Variants in TSGA10 observed in about 807,000 individuals in gnomAD.
The protein encoded by TSGA10 is testis-specific gene 10 protein.
In TSGA10, 43 loss-of-function variants were observed where a neutral mutation model predicts 96.6. The observed-to-expected ratio is 0.44, with a 90% confidence interval of 0.35 to 0.57. TSGA10 has a LOEUF of 0.57. Among genes scored for constraint, TSGA10 ranks in the 20% least tolerant of loss-of-function variants. The pLI, the probability that TSGA10 is intolerant of heterozygous loss-of-function variation, is 0.01. For missense variants in TSGA10, 703 were observed against 834.4 expected, an observed-to-expected ratio of 0.84 and a Z score of 1.94; for synonymous variants, 229 against 269.9, an observed-to-expected ratio of 0.85 and a Z score of 1.48.
chr2:99,137,644 G>A (rs758651613), intron 1 of TSGA10, among the ~76,000 whole-genome samples: 2 of 151,886 alleles, frequency 1.3e-5, no homozygotes, highest in East Asian at 1.9e-4. Flanking sequence ...TCAGTGTGGA[G>A]AATAGGTTGT....
chr2:99,068,003 C>G (rs1191354301), intron 15 of TSGA10, among the ~76,000 whole-genome samples: 1 of 152,044 alleles, frequency 6.6e-6, no homozygotes, highest in Non-Finnish European at 1.5e-5. Context: ...GGCTGAGTAG[C>G]CTGCATAAAT....
chr2:99,073,358 C>G (rs944338607), intron 12 of TSGA10, among the ~76,000 whole-genome samples: 13 of 152,082 alleles, frequency 8.5e-5, no homozygotes, highest in African/African-American at 3.1e-4. Flanking sequence ...AGTCACCCAG[C>G]AATACAAGAA....
chr2:99,071,962 G>T lies in TSGA10; in HGVS notation c.939-88C>A. On this transcript the variant is annotated intron_variant, in intron 13 of 20. Transcript: ENST00000393483. Reference sequence around the variant, plus strand: ...TCACAAGACAGAAGATGGACAGTTAGTATGAAAACATTTGAAGAGATTTTA... The same window carrying T: ...TCACAAGACAGAAGATGGACAGTTATTATGAAAACATTTGAAGAGATTTTA... The T allele has an allele frequency of 2.5e-6, 3 of 1,185,486 alleles. No individual in the cohort carries two copies. The South Asian group carries it at 4.7e-5, about 18-fold the overall frequency. 73.4% of individuals were successfully genotyped at this position (1,185,486 alleles called of 1,614,324 possible).
intron 10 of TSGA10, among the ~76,000 whole-genome samples, chr2:99,082,588 G>A (rs924352187): frequency 1.3e-5 from 2 of 151,860 alleles, no homozygotes; most frequent in Non-Finnish European, 2.9e-5. Flanking sequence ...GTTCCCGATT[G>A]GTCATATAAT....
At chr2:99,080,867 T>C (rs1286711625) in intron 11 of TSGA10, among the ~76,000 whole-genome samples, 1 of 152,130 alleles carries the variant, frequency 6.6e-6, no homozygotes, top group African/African-American at 2.4e-5. Flanking sequence ...ATCATAGACA[T>C]AACTAACACT....
At chr2:99,049,949 T>C (rs1369212603) in intron 16 of TSGA10, among the ~76,000 whole-genome samples, 2 of 152,166 alleles carry the variant, frequency 1.3e-5, no homozygotes, top group Admixed American at 6.5e-5. Context: ...GCATCTCTTT[T>C]CCATCTGAAC....
intron 10 of TSGA10, among the ~76,000 whole-genome samples, chr2:99,087,140 C>A (rs1574203415): frequency 6.6e-6 from 1 of 150,846 alleles, no homozygotes; most frequent in African/African-American, 2.4e-5. Flanking sequence ...GGAGGCAGAG[C>A]TTGCAGTGAG....
intron 7 of TSGA10, 85 bp from the exon 8 acceptor site, chr2:99,105,782 G>A: frequency 2.7e-6 from 3 of 1,102,536 alleles, no homozygotes; most frequent in Non-Finnish European, 3.8e-6. Context: ...CAGTTAAAAT[G>A]CAAACCTACA....
At chr2:99,114,994 G>A (rs760065380) in intron 4 of TSGA10, among the ~76,000 whole-genome samples, 3 of 152,148 alleles carry the variant, frequency 2.0e-5, no homozygotes, top group African/African-American at 4.8e-5. Context: ...AGAGCGTGAC[G>A]TGATTTTGGC....
chr2:99,143,744 T>G (rs1019297077), intron 1 of TSGA10, among the ~76,000 whole-genome samples: 1 of 152,150 alleles, frequency 6.6e-6, no homozygotes, highest in African/African-American at 2.4e-5. Flanking sequence ...GTGCTGGGAT[T>G]ATATGCATGA....
rs138251350 is a variant in TSGA10, at chr2:99,071,869, C to G, written c.944G>C (p.Cys315Ser). The G allele has an allele frequency of 8.9e-5, 143 of 1,612,262 alleles. No individual in the cohort carries two copies. In the African/African-American group the frequency reaches 1.6e-3, roughly 18 times the overall value. Residue 315 changes from cysteine to serine, a missense_variant, in exon 14 of 21, where the codon TGT becomes TCT. By Grantham distance (112) the Cys-to-Ser change is moderately radical (BLOSUM62 -1). Around this residue, in one of 3 missense-constraint regions of TSGA10, gnomAD observed 585 missense variants for 656.8 expected, o/e 0.89. Coordinates refer to ENST00000393483, the MANE Select transcript of TSGA10 (RefSeq NM_025244.4). ...IAEMEQASRQ[C>S]TEALIVCEQD... ...TTCACACACAATTAGGGCCTCAGTA[C>G]ACTGTCTATTCCACAAATCAAAGAG...
At chr2:99,102,679 A>G (rs1228539241) in intron 10 of TSGA10, 7 of 1,613,628 alleles carry the variant, frequency 4.3e-6, no homozygotes, top group African/African-American at 1.3e-5. Flanking sequence ...TTCAGAAATA[A>G]GGTTAGTCAT....
intron 1 of TSGA10, chr2:99,141,614 G>C (rs531850779): frequency 6.5e-6 from 1 of 152,826 alleles, no homozygotes; most frequent in Non-Finnish European, 1.5e-5. Context: ...CCGTCTCCTA[G>C]TAACCAGCCG....
chr2:99,046,078 C>T (rs1037764035), intron 16 of TSGA10, among the ~76,000 whole-genome samples: 3 of 152,066 alleles, frequency 2.0e-5, no homozygotes, highest in Non-Finnish European at 4.4e-5. Flanking sequence ...TAAAGCAAGT[C>T]CTTAGAGATC....
chr2:99,147,380 T>G, intron 1 of TSGA10: 2 of 1,260,480 alleles, frequency 1.6e-6, no homozygotes, highest in Non-Finnish European at 2.3e-6. Flanking sequence ...TATGTACCTT[T>G]ATTCTTACAT....
At chr2:99,091,286 C>G (rs1332838237) in intron 10 of TSGA10, among the ~76,000 whole-genome samples, 1 of 152,100 alleles carries the variant, frequency 6.6e-6, no homozygotes, top group Non-Finnish European at 1.5e-5. Flanking sequence ...AATCTTGAAA[C>G]AAATCCTCAA....
At chr2:99,125,761 T>C (rs1025082897) in intron 2 of TSGA10, 1 of 152,178 alleles carries the variant, frequency 6.6e-6, no homozygotes, top group African/African-American at 2.4e-5. Context: ...AAGGGTGGTG[T>C]TCCTAGATAC....
intron 12 of TSGA10, among the ~76,000 whole-genome samples, chr2:99,074,889 C>T (rs1247629281): frequency 6.6e-6 from 1 of 150,956 alleles, no homozygotes; most frequent in Admixed American, 6.6e-5. Flanking sequence ...ACTCGGGTGG[C>T]GAGGGTTGCA....
At position 99,070,373 on chromosome 2, in the gene TSGA10, G is replaced by C. The variant is rs536863805; in HGVS notation, c.1107+1333C>G. The stretch of plus-strand genomic sequence containing the variant: ...GATTCAACCCATGTGAATCTTACTC[G>C]ACTCTACTGCCTCTTCATGTAGAAA... On this transcript the variant is annotated intron_variant, in intron 14 of 20. Coordinates refer to ENST00000393483, the MANE Select transcript of TSGA10 (RefSeq NM_025244.4). Among the ~76,000 whole-genome samples the C allele has an allele frequency of 1.4e-3, 206 of 152,042 alleles. 1 individual carries two copies. The highest frequency in any genetic ancestry group is 4.9e-3 in the African/African-American group (203 of 41,460).
Sources: gnomAD v4.1 joint callset for allele counts (sites outside exome capture counted in the v4.1 genomes callset) on GRCh38, gnomAD v4.1.1 for gene constraint, gnomAD v4.1.1 regional missense constraint, MANE v1.5 for transcripts, NCBI Gene and HGNC (gene_info 2026-07-23, HGNC 2026-07-21) for gene names.